The following CRACD variants were observed in gnomAD, a reference collection of about 807,000 sequenced individuals.
CRACD encodes capping protein inhibiting regulator of actin dynamics, also known as capping protein-inhibiting regulator of actin dynamics.
Under a neutral mutation model 106.8 loss-of-function variants are expected in CRACD, and 56 were observed. The ratio of observed to expected loss-of-function variants is 0.52; its 90% CI spans 0.42 to 0.66. The LOEUF (loss-of-function observed/expected upper bound fraction) is 0.66. Ranked by LOEUF, CRACD falls within the 30% of genes least tolerant of loss-of-function variation. CRACD has a pLI of 0.00. For synonymous variants in CRACD, 754 were observed against 670.8 expected, an observed-to-expected ratio of 1.12 and a Z score of -1.92; for missense variants, 1,730 against 1,623.2, an observed-to-expected ratio of 1.07 and a Z score of -1.13.
rs1038653419 is a variant in CRACD at position 56,259,928 on chromosome 4, A to G, written c.-188-12393A>G. 9.9e-5 allele frequency among the ~76,000 whole-genome samples: 15 copies of G among 152,196 alleles called. 2 individuals are homozygous for G. The highest frequency in any genetic ancestry group is 8.5e-4 in the Admixed American group (13 of 15,278). On this transcript the variant is annotated intron_variant, in intron 2 of 10. Transcript: ENST00000682029. ...AAGTCCTGTGATAAAATGCAATGGAAAACCATAACAATCAGAACCCAATTG... is the reference window on the plus strand; with the variant it reads ...AAGTCCTGTGATAAAATGCAATGGAGAACCATAACAATCAGAACCCAATTG...
chr4:56,056,349 T>C (rs1384400825), intron 1 of CRACD, among the ~76,000 whole-genome samples: 3 of 152,262 alleles, frequency 2.0e-5, no homozygotes, highest in African/African-American at 7.2e-5. Flanking sequence ...TGAAAATCTG[T>C]CATTCCCTTT....
At chr4:56,214,681 C>CTCTCTCTCTATA in intron 2 of CRACD, among the ~76,000 whole-genome samples, 3,017 of 80,926 alleles carry the variant, frequency 0.037, 164 homozygotes, top group East Asian at 0.21. Context: ...CTCTCTCTCT[C>CTCTCTCTCTATA]TATATATATA....
chr4:56,323,571 A>T lies in CRACD; in HGVS notation c.3378+4A>T, dbSNP rs773388143. On this transcript the variant is annotated splice_donor_region_variant and intron_variant, in intron 9 of 10. Coordinates refer to ENST00000682029, the MANE Select transcript of CRACD (RefSeq NM_001393381.1). ...AGAAAAGCTCTCCAAAGAAAATGTG[A>T]GTAGCCTGGGCTTCAGCTGTGATTT... 2.6e-6 allele frequency: 4 copies of T among 1,558,028 alleles called. No individual in the cohort carries two copies. Among genetic ancestry groups the T allele is most frequent in the Non-Finnish European group, 2.6e-6 (3 of 1,159,812 alleles).
intron 2 of CRACD, among the ~76,000 whole-genome samples, chr4:56,180,540 A>C (rs909916325): frequency 7.2e-5 from 11 of 151,842 alleles, no homozygotes; most frequent in African/African-American, 2.7e-4. Flanking sequence ...AAATAGATAG[A>C]TAGCATCATA....
rs111672009 is a variant in CRACD, at chr4:56,182,096, G to T, written c.-189+2666G>T. 5.3e-3 allele frequency among the ~76,000 whole-genome samples: 811 copies of T among 152,180 alleles called. 8 individuals are homozygous for T. The highest frequency in any genetic ancestry group is 0.018 in the African/African-American group (768 of 41,518). On this transcript the variant is annotated intron_variant, in intron 2 of 10. Transcript: ENST00000682029. ...CAGAGTCAGTAATCAAAACAGCCAG[G>T]TGGGCTTGACACGATGGCTCACACC...
At chr4:56,089,904 A>G (rs1733363337) in intron 1 of CRACD, among the ~76,000 whole-genome samples, 1 of 152,142 alleles carries the variant, frequency 6.6e-6, no homozygotes, top group Non-Finnish European at 1.5e-5. Flanking sequence ...AACCATTAAG[A>G]GTTTTAATCC....
At chr4:56,243,673 TG>T (rs1740502327) in intron 2 of CRACD, among the ~76,000 whole-genome samples, 1 of 152,200 alleles carries the variant, frequency 6.6e-6, no homozygotes, top group South Asian at 2.1e-4. Context: ...TATATATTTT[TG>T]GGGTACATAA....
chr4:56,139,940 A>G (rs1374273729), intron 1 of CRACD, among the ~76,000 whole-genome samples: 1 of 152,184 alleles, frequency 6.6e-6, no homozygotes, highest in Non-Finnish European at 1.5e-5. Context: ...AAATTGTAAC[A>G]TAGATACAAT....
At chr4:56,217,445 G>A (rs1738768981) in intron 2 of CRACD, among the ~76,000 whole-genome samples, 1 of 146,518 alleles carries the variant, frequency 6.8e-6, no homozygotes, top group African/African-American at 2.5e-5. Context: ...GTGGGAGGGG[G>A]AGGGATTCCA....
At chr4:56,305,788 C>T (rs897636257) in intron 4 of CRACD, among the ~76,000 whole-genome samples, 3 of 152,178 alleles carry the variant, frequency 2.0e-5, no homozygotes, top group African/African-American at 7.2e-5. Context: ...TCTATTATAT[C>T]TCTGCAGTCT....
At chr4:56,147,977 T>C (rs1028696993) in intron 1 of CRACD, among the ~76,000 whole-genome samples, 1 of 152,158 alleles carries the variant, frequency 6.6e-6, no homozygotes, top group Non-Finnish European at 1.5e-5. Flanking sequence ...ACTTGTGTCC[T>C]TATAATGAGA....
intron 2 of CRACD, among the ~76,000 whole-genome samples, chr4:56,199,123 C>T (rs1471471): frequency 0.99 from 150,920 of 152,222 alleles, 74,820 homozygotes; most frequent in East Asian, 1. Context: ...TTGCCTGATA[C>T]ATATGTGTCA....
rs138574641 is a variant in CRACD at position 56,213,447 on chromosome 4, A to AAAAAT, written c.-189+34037_-189+34041dup. Among the ~76,000 whole-genome samples, 10 of 152,030 alleles carry AAAAAT rather than the reference A, an allele frequency of 6.6e-5. 1 individual carries two copies. The highest frequency in any genetic ancestry group is 3.9e-4 in the East Asian group (2 of 5,186). On this transcript the variant is annotated intron_variant, in intron 2 of 10. Coordinates refer to ENST00000682029, the MANE Select transcript of CRACD (RefSeq NM_001393381.1). ...GGCAACAAGAGTGAAACTCCACCTC[A>AAAAAT]AAAATAAAATAAAATAAAATAAAAG...
At chr4:56,231,557 A>G (rs1739618384) in intron 2 of CRACD, among the ~76,000 whole-genome samples, 1 of 152,194 alleles carries the variant, frequency 6.6e-6, no homozygotes, top group Non-Finnish European at 1.5e-5. Flanking sequence ...ACCAATACTA[A>G]TAATAGGAAG....
intron 3 of CRACD, among the ~76,000 whole-genome samples, chr4:56,293,275 C>A (rs1039491201): frequency 2.6e-5 from 4 of 152,070 alleles, no homozygotes; most frequent in African/African-American, 9.7e-5. Flanking sequence ...TGGGGCACAA[C>A]AGTATTTAAG....
intron 3 of CRACD, among the ~76,000 whole-genome samples, chr4:56,291,074 T>G (rs1743675398): frequency 6.6e-6 from 1 of 152,208 alleles, no homozygotes; most frequent in Admixed American, 6.5e-5. Flanking sequence ...TTTAGAGGTC[T>G]TTATACAGCT....
At chr4:56,055,334 C>T (rs541092818) in intron 1 of CRACD, among the ~76,000 whole-genome samples, 74 of 151,886 alleles carry the variant, frequency 4.9e-4, no homozygotes, top group African/African-American at 1.7e-3. Context: ...GAATAATCAG[C>T]GAAAATTCTT....
rs1166659517 is a variant in CRACD, at chr4:56,260,915, ATCCATCCG to A, written c.-188-11398_-188-11391del. Among the ~76,000 whole-genome samples the A allele has an allele frequency of 2.8e-3, 426 of 151,238 alleles. 1 individual carries two copies. The highest frequency in any genetic ancestry group is 9.9e-3 in the African/African-American group (407 of 41,094). On this transcript the variant is annotated intron_variant, in intron 2 of 10. Coordinates refer to ENST00000682029, the MANE Select transcript of CRACD (RefSeq NM_001393381.1). Reference sequence around the variant, plus strand: ...CATCCATCCATCCATCCATCCATCCATCCATCCGTCCATCCATCCCTCTCTCCCTCTCT... The same window carrying A: ...CATCCATCCATCCATCCATCCATCCATCCATCCATCCCTCTCTCCCTCTCT...
chr4:56,201,987 G>A (rs920199632), intron 2 of CRACD, among the ~76,000 whole-genome samples: 3 of 152,154 alleles, frequency 2.0e-5, no homozygotes, highest in Admixed American at 6.5e-5. Context: ...AGGAAAACTC[G>A]CTAAATAAAT....
Sources: gnomAD v4.1 joint callset for allele counts (sites outside exome capture counted in the v4.1 genomes callset) on GRCh38, gnomAD v4.1.1 for gene constraint, MANE v1.5 for transcripts, NCBI Gene and HGNC (gene_info 2026-07-23, HGNC 2026-07-21) for gene names.